Variants in ADARB2 observed in about 807,000 individuals in gnomAD.
The protein encoded by ADARB2 is inactive double-stranded RNA-specific editase B2.
Under a neutral mutation model 62.2 loss-of-function variants are expected in ADARB2, and 25 were observed. The ratio of observed to expected loss-of-function variants is 0.40; its 90% CI spans 0.29 to 0.56. The LOEUF is 0.56. Among genes scored for constraint, ADARB2 ranks in the 20% least tolerant of loss-of-function variants. The pLI is 0.43. For missense variants in ADARB2, 1,071 were observed against 1,077.4 expected (o/e 0.99, Z 0.08); for synonymous variants, 572 against 500.8 (o/e 1.14, Z -1.90).
chr10:1,470,305 A>G (rs1308664834), intron 1 of ADARB2, among the ~76,000 whole-genome samples: 3 of 152,178 alleles, frequency 2.0e-5, no homozygotes, highest in African/African-American at 7.2e-5. Context: ...AATGTGTATC[A>G]CCTACTCCTA....
intron 7 of ADARB2, among the ~76,000 whole-genome samples, chr10:1,208,637 G>T (rs1837102174): frequency 6.6e-6 from 1 of 152,242 alleles, no homozygotes; most frequent in African/African-American, 2.4e-5. Flanking sequence ...CCCCCAGTGG[G>T]CCTGGCTGCA....
intron 6 of ADARB2, among the ~76,000 whole-genome samples, chr10:1,232,022 C>A (rs1830808472): frequency 6.6e-6 from 1 of 152,132 alleles, no homozygotes; most frequent in South Asian, 2.1e-4. Context: ...CACCATGTAG[C>A]CTTCCACCGG....
chr10:1,587,253 C>T (rs546944619), intron 1 of ADARB2, among the ~76,000 whole-genome samples: 3 of 152,294 alleles, frequency 2.0e-5, no homozygotes, highest in Admixed American at 6.5e-5. Context: ...TGATTTCTGA[C>T]ATGAAGGCTC....
chr10:1,556,490 C>G, intron 1 of ADARB2: 2 of 367,760 alleles, frequency 5.4e-6, no homozygotes, highest in Non-Finnish European at 1.1e-5. Context: ...CTCTTACTCC[C>G]TGCTGGTGCT....
intron 1 of ADARB2, among the ~76,000 whole-genome samples, chr10:1,553,187 C>T (rs1832653065): frequency 1.3e-5 from 2 of 152,204 alleles, no homozygotes; most frequent in African/African-American, 4.8e-5. Flanking sequence ...CGTTAATTAC[C>T]AAAAAAATGT....
chr10:1,191,726 G>A (rs1390254731), intron 8 of ADARB2, among the ~76,000 whole-genome samples: 1 of 152,106 alleles, frequency 6.6e-6, no homozygotes, highest in Non-Finnish European at 1.5e-5. Flanking sequence ...ATAGGAATAA[G>A]CTGGTCTCCC....
At chr10:1,267,420 C>G (rs1564241274) in intron 4 of ADARB2, among the ~76,000 whole-genome samples, 1 of 152,136 alleles carries the variant, frequency 6.6e-6, no homozygotes, top group Non-Finnish European at 1.5e-5. Flanking sequence ...GGAGACAAAG[C>G]AAGGAGGAAG....
intron 3 of ADARB2, among the ~76,000 whole-genome samples, chr10:1,277,505 A>G (rs1831328868): frequency 6.6e-6 from 1 of 152,258 alleles, no homozygotes; most frequent in Non-Finnish European, 1.5e-5. Context: ...AAAATCTAGA[A>G]GAAATGGATA....
chr10:1,467,137 A>G (rs1831264345), intron 1 of ADARB2, among the ~76,000 whole-genome samples: 1 of 152,120 alleles, frequency 6.6e-6, no homozygotes, highest in South Asian at 2.1e-4. Flanking sequence ...GTTTATAGCC[A>G]CTGTCTAAAC....
chr10:1,458,157 T>G (rs1304187066), intron 1 of ADARB2, among the ~76,000 whole-genome samples: 5 of 152,192 alleles, frequency 3.3e-5, no homozygotes, highest in Admixed American at 3.3e-4. Context: ...GGTGTCACTG[T>G]GGTGAACCCT....
At chr10:1,432,892 C>T (rs867946227) in intron 1 of ADARB2, among the ~76,000 whole-genome samples, 5 of 152,040 alleles carry the variant, frequency 3.3e-5, no homozygotes, top group South Asian at 2.1e-4. Flanking sequence ...GCCAGAATCT[C>T]GCACAGCCAT....
At chr10:1,499,088 T>G (rs1239070184) in intron 1 of ADARB2, among the ~76,000 whole-genome samples, 3 of 151,906 alleles carry the variant, frequency 2.0e-5, no homozygotes, top group Non-Finnish European at 2.9e-5. Flanking sequence ...CATTCAGTCA[T>G]TACTCACTCA....
At chr10:1,253,277 T>G (rs1313605415) in intron 4 of ADARB2, among the ~76,000 whole-genome samples, 1 of 152,246 alleles carries the variant, frequency 6.6e-6, no homozygotes, top group Non-Finnish European at 1.5e-5. Context: ...GTGACTTCCC[T>G]TGCTAGAATA....
chr10:1,256,112 C>G (rs569730428), intron 4 of ADARB2, among the ~76,000 whole-genome samples: 1 of 152,174 alleles, frequency 6.6e-6, no homozygotes, highest in African/African-American at 2.4e-5. Flanking sequence ...AGCTCAGTAA[C>G]GAAGAGGGAC....
At chr10:1,303,212 C>A (rs1343564809) in intron 3 of ADARB2, among the ~76,000 whole-genome samples, 1 of 151,794 alleles carries the variant, frequency 6.6e-6, no homozygotes, top group South Asian at 2.1e-4. Context: ...AACCAAGGCT[C>A]GAGAACTACG....
At chr10:1,210,748 C>T (rs572006874) in intron 7 of ADARB2, among the ~76,000 whole-genome samples, 1 of 152,326 alleles carries the variant, frequency 6.6e-6, no homozygotes, top group Non-Finnish European at 1.5e-5. Context: ...CACTTTGTAC[C>T]TCGTGGGGGT....
rs370299598 is a variant in ADARB2, at chr10:1,242,193, C to G, written c.1299G>C (p.Ala433=). The G allele has an allele frequency of 6.2e-7, 1 of 1,610,510 alleles. No homozygotes were observed. Among genetic ancestry groups the G allele is most frequent in the South Asian group, 1.1e-5 (1 of 90,766 alleles). The change falls in exon 5 of 10, where the codon GCG becomes GCC. Residue 433 remains alanine (A), a synonymous_variant. Transcript: ENST00000381312. ...DQGLVVNDCH[A]EVVARRAFLH... is the part of the protein sequence containing the mutation. ...GGAACGCCCGCCGGGCCACGACCTC[C>G]GCGTGGCAGTCATTCACCACCAGCC... is the stretch of plus-strand genomic sequence containing the variant.
At chr10:1,223,747 C>G (rs1041937877) in intron 6 of ADARB2, among the ~76,000 whole-genome samples, 1 of 152,160 alleles carries the variant, frequency 6.6e-6, no homozygotes, top group African/African-American at 2.4e-5. Context: ...GTATGTTGAA[C>G]CAGCCTTGCA....
chr10:1,248,587 TC>T (rs1164153480), intron 4 of ADARB2, among the ~76,000 whole-genome samples: 2 of 152,114 alleles, frequency 1.3e-5, no homozygotes, highest in Non-Finnish European at 2.9e-5. Context: ...CAGGAGAAGA[TC>T]AGGAAGCCCA....
Sources: gnomAD v4.1 joint callset for allele counts (sites outside exome capture counted in the v4.1 genomes callset) on GRCh38, gnomAD v4.1.1 for gene constraint, MANE v1.5 for transcripts, NCBI Gene and HGNC (gene_info 2026-07-23, HGNC 2026-07-21) for gene names.